The following MRTFB variants were observed in gnomAD, a reference collection of about 807,000 sequenced individuals.
The protein encoded by MRTFB is myocardin related transcription factor B, also known as myocardin-related transcription factor B.
MRTFB carries 29 observed loss-of-function variants against 104.2 expected under a neutral mutation model. The observed-to-expected ratio is 0.28, with a 90% CI of 0.21 to 0.38. The LOEUF is 0.38. Among genes scored for constraint, MRTFB ranks in the 10% least tolerant of loss-of-function variants. The pLI is 1.00. For missense variants in MRTFB, 1,270 were observed against 1,341.6 expected (o/e 0.95, Z 0.83); for synonymous variants, 535 against 519.5 (o/e 1.03, Z -0.41).
rs559574197 is a variant in MRTFB, at chr16:14,243,882, CAG to C, written c.1080-1643_1080-1642del. Among the ~76,000 whole-genome samples the C allele has an allele frequency of 1.1e-3, 108 of 96,716 alleles. 1 individual carries two copies. In the African/African-American group the frequency reaches 0.012, roughly 11 times the overall value. The allele number at this position is 96,716 out of a possible 152,430, so 63.4% of individuals were successfully genotyped here. Reference sequence around the variant, plus strand: ...GTTTTGGGTTTTTTTTTTTTTGAGACAGAGTCTCACTCTGTCGCCCAGGCTGG... The same window carrying C: ...GTTTTGGGTTTTTTTTTTTTTGAGACAGTCTCACTCTGTCGCCCAGGCTGG... On this transcript the variant is annotated intron_variant, in intron 10 of 16. Coordinates refer to ENST00000571589, the MANE Select transcript of MRTFB (RefSeq NM_001308142.2).
At chr16:14,175,634 T>G (rs2039555489) in intron 3 of MRTFB, among the ~76,000 whole-genome samples, 1 of 152,026 alleles carries the variant, frequency 6.6e-6, no homozygotes, top group Non-Finnish European at 1.5e-5. Flanking sequence ...GAAATGAGTA[T>G]AAATATCTAC....
intron 6 of MRTFB, 63 bp downstream of exon 6, chr16:14,213,683 C>T (rs1245805642): frequency 1.6e-6 from 2 of 1,223,128 alleles, no homozygotes; most frequent in Non-Finnish European, 2.3e-6. Flanking sequence ...AGAATTTCCA[C>T]CATTTCTGTT....
At chr16:14,185,719 C>T (rs2039928730) in intron 3 of MRTFB, among the ~76,000 whole-genome samples, 3 of 151,336 alleles carry the variant, frequency 2.0e-5, no homozygotes. Flanking sequence ...AAACAGTATT[C>T]ACAGTCTACT....
At chr16:14,133,260 G>A (rs185563502) in intron 2 of MRTFB, among the ~76,000 whole-genome samples, 2 of 152,182 alleles carry the variant, frequency 1.3e-5, no homozygotes, top group East Asian at 1.9e-4. Context: ...TTATGCACTC[G>A]ATAATTCAAG....
chr16:14,195,584 T>G, intron 3 of MRTFB: 1 of 985,110 alleles, frequency 1.0e-6, no homozygotes, highest in East Asian at 1.1e-4. Flanking sequence ...CTTACTATTC[T>G]GGGAAAAATT....
chr16:14,173,555 T>G (rs1278444526), intron 3 of MRTFB, among the ~76,000 whole-genome samples: 1 of 152,102 alleles, frequency 6.6e-6, no homozygotes, highest in Non-Finnish European at 1.5e-5. Context: ...CTACTTGAAG[T>G]TTGCCAGGTT....
the MRTFB span, among the ~76,000 whole-genome samples, chr16:14,047,559 G>T: frequency 2.0e-5 from 3 of 152,198 alleles, no homozygotes; most frequent in Non-Finnish European, 4.4e-5. Context: ...GAGGTTTAAT[G>T]GACTCACAGT....
At position 14,261,193 on chromosome 16, in the gene MRTFB, A is replaced by G. The variant is rs1283875597; in HGVS notation, c.3049A>G (p.Asn1017Asp). Residue 1017 changes from asparagine (N) to aspartate (D), a missense_variant, in exon 17 of 17, where the codon AAT becomes GAT. Transcript: ENST00000571589. ...CTTCTCTCTGATCGAGGACCTCCAG[A>G]ATGATCTGCTGAGTCACTCAGGTAT... ...EPFSLIEDLQ[N>D]DLLSHSGMLD... is the part of the protein sequence containing the mutation. 1 of 1,614,190 alleles carries G rather than the reference A, an allele frequency of 6.2e-7. No individual in the cohort carries two copies. Among genetic ancestry groups the G allele is most frequent in the South Asian group, 1.1e-5 (1 of 91,080 alleles).
chr16:14,222,767 A>AT (rs1394885976), intron 8 of MRTFB, among the ~76,000 whole-genome samples: 2 of 152,092 alleles, frequency 1.3e-5, no homozygotes, highest in African/African-American at 4.8e-5. Context: ...ATGAGATACC[A>AT]TCTCATGCCA....
At chr16:14,103,272 C>G (rs927497069) in intron 2 of MRTFB, among the ~76,000 whole-genome samples, 2 of 152,220 alleles carry the variant, frequency 1.3e-5, no homozygotes, top group African/African-American at 4.8e-5. Flanking sequence ...CCCAGCAAAA[C>G]TCCTGATCAA....
At position 14,258,124 on chromosome 16, in the gene MRTFB, G is replaced by A. The variant is rs2043590365; in HGVS notation, c.2727G>A (p.Gln909=). The change falls in exon 16 of 17, where the codon CAG becomes CAA. Residue 909 remains glutamine, a synonymous_variant. Coordinates refer to ENST00000571589, the MANE Select transcript of MRTFB (RefSeq NM_001308142.2). ...LPEISNAHSQ[Q]MDDLFDILIK... is the part of the protein sequence containing the mutation. ...AGATTTCCAACGCTCACAGTCAGCA[G>A]ATGGATGACCTCTTTGATATCCTCA... 6.2e-7 allele frequency: 1 copy of A among 1,613,882 alleles called. No individual in the cohort carries two copies. Among genetic ancestry groups the A allele is most frequent in the Non-Finnish European group, 8.5e-7 (1 of 1,179,926 alleles).
the MRTFB span, among the ~76,000 whole-genome samples, chr16:14,029,635 A>T: frequency 6.6e-6 from 1 of 151,838 alleles, no homozygotes; most frequent in Non-Finnish European, 1.5e-5. Flanking sequence ...TGTGACCATC[A>T]TCATTGTCTT....
At chr16:14,011,289 G>T in the MRTFB span, among the ~76,000 whole-genome samples, 1 of 152,200 alleles carries the variant, frequency 6.6e-6, no homozygotes, top group East Asian at 1.9e-4. Flanking sequence ...GCTGGTTCTG[G>T]TGCTACCCAG....
At chr16:14,197,050 A>C (rs2040469271) in intron 3 of MRTFB, among the ~76,000 whole-genome samples, 1 of 145,512 alleles carries the variant, frequency 6.9e-6, no homozygotes, top group Non-Finnish European at 1.5e-5. Context: ...GCTCACTACA[A>C]CCTCTGCCTC....
At chr16:14,202,403 T>C (rs921894690) in intron 3 of MRTFB, among the ~76,000 whole-genome samples, 16 of 152,214 alleles carry the variant, frequency 1.1e-4, no homozygotes, top group African/African-American at 3.9e-4. Context: ...AAAAATGTAT[T>C]ATAAAACAGG....
intron 3 of MRTFB, chr16:14,200,794 C>G: frequency 6.8e-7 from 1 of 1,469,758 alleles, no homozygotes; most frequent in African/African-American, 1.4e-5. Context: ...GTGCACGCTT[C>G]TCCTTCAGAG....
At chr16:14,146,926 A>G (rs1321039338) in intron 3 of MRTFB, among the ~76,000 whole-genome samples, 1 of 152,252 alleles carries the variant, frequency 6.6e-6, no homozygotes, top group Non-Finnish European at 1.5e-5. Context: ...GAAAGCTGTC[A>G]TAGTGTCATA....
intron 3 of MRTFB, chr16:14,149,301 A>T (rs2038493757): frequency 6.6e-6 from 1 of 152,188 alleles, no homozygotes; most frequent in Non-Finnish European, 1.5e-5. Context: ...TTTTTGATAT[A>T]TGGCCTCTGC....
intron 15 of MRTFB, among the ~76,000 whole-genome samples, chr16:14,255,270 G>C (rs28581312): frequency 0.15 from 23,164 of 152,216 alleles, 3,944 homozygotes; most frequent in African/African-American, 0.42. Context: ...TTCACAAATA[G>C]GATGAAAGAC....
Sources: allele counts gnomAD v4.1 joint callset (sites outside exome capture counted in the v4.1 genomes callset), GRCh38; gene constraint gnomAD v4.1.1; transcripts MANE v1.5; gene names NCBI Gene and HGNC (gene_info 2026-07-23, HGNC 2026-07-21).